Variants in USP3 observed in about 807,000 individuals in gnomAD.
USP3 encodes ubiquitin carboxyl-terminal hydrolase 3.
A neutral mutation model predicts 72.3 loss-of-function variants in USP3; 20 were observed. The ratio of observed to expected loss-of-function variants is 0.28; its 90% CI spans 0.19 to 0.40. USP3 has a LOEUF of 0.40. Among genes scored for constraint, USP3 ranks in the 10% least tolerant of loss-of-function variants. The pLI, the probability that USP3 is intolerant of heterozygous loss-of-function variation, is 1.00. For synonymous variants in USP3, 222 were observed against 225.3 expected, an observed-to-expected ratio of 0.99 and a Z score of 0.13; for missense variants, 479 against 633.9, an observed-to-expected ratio of 0.76 and a Z score of 2.62.
At chr15:63,559,733 G>A in intron 6 of USP3, 124 bp from the exon 7 acceptor site, 2 of 727,664 alleles carry the variant, frequency 2.7e-6, no homozygotes, top group Non-Finnish European at 4.4e-6. Context: ...AGATTGCACT[G>A]AGTACAGTTT....
chr15:63,532,599 G>A (rs2066092762), intron 1 of USP3, 48 bp from the exon 2 acceptor site: 1 of 1,602,100 alleles, frequency 6.2e-7, no homozygotes, highest in Non-Finnish European at 8.6e-7. Flanking sequence ...GAGAAATTGG[G>A]AAATAACATG....
chr15:63,578,190 G>A (rs2066896318), intron 11 of USP3, among the ~76,000 whole-genome samples: 1 of 151,926 alleles, frequency 6.6e-6, no homozygotes, highest in Admixed American at 6.6e-5. Flanking sequence ...GCAGAATAAT[G>A]GCTTGAACCG....
intron 3 of USP3, among the ~76,000 whole-genome samples, chr15:63,540,146 C>T (rs1567103892): frequency 6.6e-6 from 1 of 152,164 alleles, no homozygotes; most frequent in Non-Finnish European, 1.5e-5. Context: ...GCAGTGTGCT[C>T]TGTGCCCTAG....
At chr15:63,536,328 ACT>A (rs2066154431) in intron 2 of USP3, among the ~76,000 whole-genome samples, 1 of 151,984 alleles carries the variant, frequency 6.6e-6, no homozygotes, top group Non-Finnish European at 1.5e-5. Context: ...TGTTTCTCTG[ACT>A]CTCACACTTT....
rs2066285441 is a variant in USP3 at position 63,544,110 on chromosome 15, A to G, written c.284+6954A>G. 6.6e-6 allele frequency: 1 copy of G among 150,810 alleles called. No individual in the cohort carries two copies. Among genetic ancestry groups the G allele is most frequent in the Non-Finnish European group, 1.5e-5 (1 of 67,782 alleles). 9.3% of individuals were successfully genotyped at this position (150,810 alleles called of 1,614,324 possible). On this transcript the variant is annotated intron_variant, in intron 3 of 14. Coordinates refer to ENST00000380324, the MANE Select transcript of USP3 (RefSeq NM_006537.4). The surrounding 1 kb of genome is among the most constrained non-coding windows in gnomAD (Gnocchi z 4.2). ...AGATATTGTGAATAGCAAGACATTT[A>G]ATATAGTTTATTTCATCTCTAGCTC...
chr15:63,590,604 A>C, intron 14 of USP3, 57 bp from the exon 15 acceptor site: 1 of 1,437,958 alleles, frequency 7.0e-7, no homozygotes, highest in Non-Finnish European at 9.3e-7. Flanking sequence ...ATATAGTTGT[A>C]CAGGTCTTTT....
intron 3 of USP3, among the ~76,000 whole-genome samples, chr15:63,548,709 TC>T (rs1220188736): frequency 2.0e-5 from 3 of 152,146 alleles, no homozygotes; most frequent in African/African-American, 7.2e-5. Flanking sequence ...CTTTTTTCTT[TC>T]TTTTTTTGAG....
At position 63,574,247 on chromosome 15, in the gene USP3, C is replaced by T. The variant is rs996683050; in HGVS notation, c.1016-76C>T. On this transcript the variant is annotated intron_variant, in intron 10 of 14. Transcript: ENST00000380324. This position sits in a 1 kb window ranked among gnomAD's most constrained non-coding sequence, Gnocchi z 4.6. ...AAGTGTAAAGAGAAATCTAGAAATA[C>T]ATCAGTTTGTGAAATTATTTTGAAT... 41 of 1,428,088 alleles carry T rather than the reference C, an allele frequency of 2.9e-5. No individual in the cohort carries two copies. The African/African-American group carries it at 4.5e-4, about 16-fold the overall frequency. 88.5% of individuals were successfully genotyped at this position (1,428,088 alleles called of 1,614,324 possible). A position where few individuals can be genotyped will look rare whatever the true frequency, so the allele number is the denominator to read the frequency against.
intron 3 of USP3, among the ~76,000 whole-genome samples, chr15:63,538,926 C>A (rs1033644643): frequency 6.6e-6 from 1 of 152,114 alleles, no homozygotes; most frequent in South Asian, 2.1e-4. Context: ...TGGAAGATGT[C>A]CAGACCTGGA....
chr15:63,549,599 C>T (rs1334213673), intron 3 of USP3, among the ~76,000 whole-genome samples: 1 of 152,084 alleles, frequency 6.6e-6, no homozygotes, highest in Non-Finnish European at 1.5e-5. Flanking sequence ...CATGTTAATT[C>T]ATGTTGAAAA....
At chr15:63,557,076 T>G in intron 5 of USP3, 1 of 174,120 alleles carries the variant, frequency 5.7e-6, no homozygotes, top group Non-Finnish European at 1.2e-5. Flanking sequence ...TTCAGGCGGC[T>G]TTTCCTTTTT....
chr15:63,559,240 AGTCAACAAGGCT>A (rs1248437476), intron 6 of USP3, among the ~76,000 whole-genome samples: 1 of 152,256 alleles, frequency 6.6e-6, no homozygotes, highest in East Asian at 1.9e-4. Context: ...AAAATAAAAT[AGTCAACAAGGCT>A]GACTTAAGTT....
chr15:63,565,191 C>T (rs1354514121), intron 8 of USP3, among the ~76,000 whole-genome samples: 1 of 152,132 alleles, frequency 6.6e-6, no homozygotes, highest in Non-Finnish European at 1.5e-5. Context: ...CATCTTTCAT[C>T]TATTAAATAC....
At chr15:63,557,005 T>C in intron 5 of USP3, 1 of 272,920 alleles carries the variant, frequency 3.7e-6, no homozygotes, top group Non-Finnish European at 7.0e-6. Context: ...CTCTTAATAC[T>C]TGCTCACACT....
At chr15:63,512,508 C>T (rs11629641) in intron 1 of USP3, among the ~76,000 whole-genome samples, 80,385 of 151,206 alleles carry the variant, frequency 0.53, 22,393 homozygotes, top group African/African-American at 0.61. Flanking sequence ...TGCAGTGGCA[C>T]GATCTCAGCT....
intron 11 of USP3, among the ~76,000 whole-genome samples, chr15:63,585,613 T>C (rs957562484): frequency 2.0e-5 from 3 of 152,146 alleles, no homozygotes; most frequent in Non-Finnish European, 2.9e-5. Flanking sequence ...AGAGCAAAAA[T>C]TTTTAATTTT....
In USP3 at chr15:63,570,372, G is replaced by T. The variant is rs1187098567; in HGVS notation, c.762-61G>T. ...TTTTCCACGCCTTGGCCTCTTGCTG[G>T]TGTGGCTGGGCACAAAGAGCCCTCC... is the stretch of plus-strand genomic sequence containing the variant. On this transcript the variant is annotated intron_variant, in intron 8 of 14. Coordinates refer to ENST00000380324, the MANE Select transcript of USP3 (RefSeq NM_006537.4). This position sits in a 1 kb window ranked among gnomAD's most constrained non-coding sequence, Gnocchi z 4.4. 1.2e-5 allele frequency: 19 copies of T among 1,608,348 alleles called. No individual in the cohort carries two copies. The highest frequency in any genetic ancestry group is 1.3e-5 in the Non-Finnish European group (15 of 1,178,304).
chr15:63,517,783 G>C (rs2065871569), intron 1 of USP3, among the ~76,000 whole-genome samples: 1 of 152,164 alleles, frequency 6.6e-6, no homozygotes, highest in African/African-American at 2.4e-5. Flanking sequence ...GCTGTCTGCT[G>C]TGTCCCTATA....
At chr15:63,554,396 T>A (rs918593500) in intron 4 of USP3, among the ~76,000 whole-genome samples, 1 of 152,120 alleles carries the variant, frequency 6.6e-6, no homozygotes, top group African/African-American at 2.4e-5. Context: ...ATTGGTATAG[T>A]CAAATAGTTA....
Sources: allele counts gnomAD v4.1 joint callset (sites outside exome capture counted in the v4.1 genomes callset), GRCh38; gene constraint gnomAD v4.1.1; non-coding constraint Gnocchi (gnomAD v3.1); transcripts MANE v1.5; gene names NCBI Gene and HGNC (gene_info 2026-07-23, HGNC 2026-07-21).